Variants in YTHDC2 observed in about 807,000 individuals in gnomAD.
YTHDC2 encodes 3'-5' RNA helicase YTHDC2.
YTHDC2 carries 45 observed loss-of-function variants against 174.9 expected under a neutral mutation model. The observed-to-expected ratio is 0.26, with a 90% CI of 0.20 to 0.33. The LOEUF is 0.33. YTHDC2 is among the 10% of genes least tolerant of loss of function. The pLI, the probability that YTHDC2 is intolerant of heterozygous loss-of-function variation, is 1.00. For missense variants in YTHDC2, 1,650 were observed against 1,723.7 expected (o/e 0.96, Z 0.76); for synonymous variants, 657 against 574.5 (o/e 1.14, Z -2.05).
Position 113,526,594 on chromosome 5 carries a change from G to A in YTHDC2, c.484G>A (p.Glu162Lys). The part of the protein sequence containing the change: ...NVFAVEAENR[E>K]MSKTSGRLNN... Reference sequence around the variant, plus strand: ...TTTATTCATTTTCAAAGAAAACCGGGAAATGAGCAAGACAAGTGGGCGACT... The same window carrying A: ...TTTATTCATTTTCAAAGAAAACCGGAAAATGAGCAAGACAAGTGGGCGACT... Residue 162 changes from glutamate (E) to lysine (K), a missense_variant, in exon 4 of 30, where the codon GAA becomes AAA. By Grantham distance (56) the Glu-to-Lys change is moderately conservative (BLOSUM62 1). Transcript: ENST00000161863. 1 of 1,539,216 alleles carries A rather than the reference G, an allele frequency of 6.5e-7. No homozygotes were observed. The highest frequency in any genetic ancestry group is 1.4e-5 in the African/African-American group (1 of 71,996).
intron 16 of YTHDC2, among the ~76,000 whole-genome samples, chr5:113,554,877 A>G (rs913839452): frequency 1.3e-5 from 2 of 152,052 alleles, no homozygotes; most frequent in African/African-American, 4.8e-5. Context: ...GGGAAGACAT[A>G]TTACTCATGT....
At chr5:113,558,936 A>T (rs1776783014) in intron 17 of YTHDC2, among the ~76,000 whole-genome samples, 1 of 151,700 alleles carries the variant, frequency 6.6e-6, no homozygotes, top group Non-Finnish European at 1.5e-5. Flanking sequence ...AAAAAAAAAA[A>T]AGAAAATCTA....
rs1773180906 is a variant in YTHDC2 at position 113,513,803 on chromosome 5, C to T, written c.-93C>T. On this transcript the variant is annotated 5_prime_UTR_variant, in exon 1 of 30. Coordinates refer to ENST00000161863, the MANE Select transcript of YTHDC2 (RefSeq NM_022828.5). ...AACACAGGCCGTCTCCGGAGCTTCCCGGTAGTGGCCCCGGATTCCCACGGT... is the reference window on the plus strand; with the variant it reads ...AACACAGGCCGTCTCCGGAGCTTCCTGGTAGTGGCCCCGGATTCCCACGGT... The T allele has an allele frequency of 7.2e-7, 1 of 1,393,992 alleles. No homozygotes were observed. Among genetic ancestry groups the T allele is most frequent in the Non-Finnish European group, 9.5e-7 (1 of 1,054,738 alleles). 86.4% of individuals were successfully genotyped at this position (1,393,992 alleles called of 1,614,324 possible).
chr5:113,580,590 A>T (rs1403292601), intron 24 of YTHDC2, among the ~76,000 whole-genome samples: 1 of 152,176 alleles, frequency 6.6e-6, no homozygotes, highest in Non-Finnish European at 1.5e-5. Flanking sequence ...TTCATTCATC[A>T]CTTCAACCTA....
chr5:113,528,497 G>A (rs575258515), intron 4 of YTHDC2, among the ~76,000 whole-genome samples: 1 of 151,992 alleles, frequency 6.6e-6, no homozygotes, highest in South Asian at 2.1e-4. Context: ...TGAACATTGT[G>A]GAAAATATTT....
chr5:113,529,694 A>C (rs1481383114), intron 4 of YTHDC2, among the ~76,000 whole-genome samples: 3 of 151,672 alleles, frequency 2.0e-5, no homozygotes, highest in Admixed American at 2.0e-4. Context: ...TTGGCTTATT[A>C]ATTTTTGATT....
At chr5:113,526,529 A>G (rs1774248364) in intron 3 of YTHDC2, 57 bp from the exon 4 acceptor site, 3 of 1,414,692 alleles carry the variant, frequency 2.1e-6, no homozygotes, top group Non-Finnish European at 2.8e-6. Flanking sequence ...ACTTATTTTT[A>G]ACACTTCTTT....
chr5:113,519,861 G>C (rs757164633), intron 2 of YTHDC2, among the ~76,000 whole-genome samples: 2 of 152,072 alleles, frequency 1.3e-5, no homozygotes, highest in Non-Finnish European at 2.9e-5. Context: ...TTAAATCAAA[G>C]AGTCAATACA....
intron 7 of YTHDC2, among the ~76,000 whole-genome samples, chr5:113,537,785 C>A (rs1301756412): frequency 6.6e-6 from 1 of 152,042 alleles, no homozygotes; most frequent in Non-Finnish European, 1.5e-5. Context: ...CTGAATACTT[C>A]ATCTCTTTTG....
In YTHDC2 at chr5:113,591,065, C is replaced by A. The variant is rs949408652; in HGVS notation, c.3850C>A (p.Pro1284Thr). 1 of 1,613,616 alleles carries A rather than the reference C, an allele frequency of 6.2e-7. No individual in the cohort carries two copies. The highest frequency in any genetic ancestry group is 1.1e-5 in the South Asian group (1 of 91,046). The change falls in exon 27 of 30, where the codon CCA becomes ACA. Residue 1284 changes from proline to threonine, a missense_variant. Physicochemically the swap from Pro to Thr is conservative, Grantham distance 38. Transcript: ENST00000161863. ...GKGSKSPSPR[P>T]NMPVRYFIMK... ...GGGCTCAAAATCTCCTTCGCCAAGA[C>A]CAAACATGCCTGTTCGATACTTCAT... is the stretch of plus-strand genomic sequence containing the variant.
intron 3 of YTHDC2, among the ~76,000 whole-genome samples, chr5:113,526,344 T>G (rs1445378396): frequency 3.9e-5 from 4 of 103,004 alleles, no homozygotes. Flanking sequence ...AGGTTCACTT[T>G]CTAATTGATA....
Position 113,536,675 on chromosome 5 carries a change from G to A in YTHDC2, c.1102+877G>A, listed in dbSNP as rs1350515912. ...GATGTTAACAGTGTTATATATATTCGTTTTTACTTAATGTAAGAACACAAA... is the reference window on the plus strand; with the variant it reads ...GATGTTAACAGTGTTATATATATTCATTTTTACTTAATGTAAGAACACAAA... On this transcript the variant is annotated intron_variant, in intron 7 of 29. Coordinates refer to ENST00000161863, the MANE Select transcript of YTHDC2 (RefSeq NM_022828.5). Among the ~76,000 whole-genome samples, 10 of 151,930 alleles carry A rather than the reference G, an allele frequency of 6.6e-5. No individual in the cohort carries two copies. The East Asian group carries it at 1.4e-3, about 21-fold the overall frequency.
chr5:113,577,459 T>C (rs566494761), intron 23 of YTHDC2, among the ~76,000 whole-genome samples: 1 of 152,268 alleles, frequency 6.6e-6, no homozygotes, highest in Non-Finnish European at 1.5e-5. Context: ...AATCTCTGTC[T>C]CCCAGGCTCA....
intron 18 of YTHDC2, among the ~76,000 whole-genome samples, chr5:113,561,562 G>C (rs1019771914): frequency 6.6e-6 from 1 of 150,460 alleles, no homozygotes; most frequent in South Asian, 2.1e-4. Flanking sequence ...TCCACCTCCC[G>C]GGTTCAAGCG....
intron 19 of YTHDC2, 95 bp from the exon 20 acceptor site, chr5:113,563,764 T>C: frequency 2.1e-6 from 3 of 1,406,700 alleles, no homozygotes; most frequent in Non-Finnish European, 2.9e-6. Flanking sequence ...CAAAAGAAAA[T>C]CTATATTCTT....
chr5:113,514,422 A>G, intron 1 of YTHDC2: 2 of 513,028 alleles, frequency 3.9e-6, no homozygotes, highest in South Asian at 3.4e-5. Context: ...GTGTCACCTA[A>G]TTGTGGCACG....
chr5:113,575,564 C>A (rs1428812392), intron 23 of YTHDC2, among the ~76,000 whole-genome samples: 1 of 152,116 alleles, frequency 6.6e-6, no homozygotes, highest in Non-Finnish European at 1.5e-5. Context: ...AGAGGGAAAG[C>A]ACCAAGATTC....
At chr5:113,565,799 C>T (rs546671183) in intron 20 of YTHDC2, 94 bp from the exon 21 acceptor site, 11 of 1,305,424 alleles carry the variant, frequency 8.4e-6, no homozygotes, top group Admixed American at 5.5e-5. Flanking sequence ...AAATTCACGT[C>T]GAGGAATTCG....
intron 2 of YTHDC2, among the ~76,000 whole-genome samples, chr5:113,516,310 A>G (rs996842301): frequency 2.0e-5 from 3 of 152,216 alleles, no homozygotes; most frequent in Non-Finnish European, 4.4e-5. Context: ...GGATCTGATG[A>G]TTAGAAATGA....
Sources: gnomAD v4.1 joint callset for allele counts (sites outside exome capture counted in the v4.1 genomes callset) on GRCh38, gnomAD v4.1.1 for gene constraint, MANE v1.5 for transcripts, NCBI Gene and HGNC (gene_info 2026-07-23, HGNC 2026-07-21) for gene names.